Variants in UNC13A observed in about 807,000 individuals in gnomAD.
UNC13A encodes unc-13 homolog A.
UNC13A carries 61 observed loss-of-function variants against 219.7 expected under a neutral mutation model. The observed-to-expected ratio is 0.28, with a 90% CI of 0.23 to 0.34. UNC13A has a LOEUF of 0.34. UNC13A is among the 10% of genes least tolerant of loss of function. The probability of loss-of-function intolerance (pLI) is 1.00; values close to 1 mark genes in which losing one functional copy is unlikely to be tolerated. For missense variants in UNC13A, 1,476 were observed against 2,270.3 expected (o/e 0.65, Z 7.11); for synonymous variants, 920 against 884.6 (o/e 1.04, Z -0.71).
At position 17,603,125 on chromosome 19, in the gene UNC13A, G is replaced by T. The variant is rs73922143; in HGVS notation, c.*2929C>A. The T allele has an allele frequency of 0.059, 8,943 of 152,242 alleles. 312 individuals carry two copies. The highest frequency in any genetic ancestry group is 0.12 in the Middle Eastern group (35 of 298). 9.4% of individuals were successfully genotyped at this position (152,242 alleles called of 1,614,324 possible). On this transcript the variant is annotated 3_prime_UTR_variant, in exon 44 of 44. Transcript: ENST00000519716. ...AAAGAGGGTGGAAATTGCAAAAACA[G>T]TTCTAGCCTGGGAGTCAGGAAAACT...
chr19:17,648,743 TC>T, intron 15 of UNC13A, 93 bp from the exon 16 acceptor site: 1 of 1,523,644 alleles, frequency 6.6e-7, no homozygotes, highest in Non-Finnish European at 9.0e-7. Flanking sequence ...CGCGGTAAAG[TC>T]CCAGGCCCTC....
chr19:17,684,170 C>G (rs559206773), intron 1 of UNC13A, among the ~76,000 whole-genome samples: 11 of 152,298 alleles, frequency 7.2e-5, no homozygotes, highest in African/African-American at 2.4e-4. Context: ...CTGGAAGTAA[C>G]CCTTCACACC....
At position 17,636,167 on chromosome 19, in the gene UNC13A, A is replaced by G. The variant is rs1162068824; in HGVS notation, c.3082-10T>C. The stretch of plus-strand genomic sequence containing the variant: ...CTTCCCCCTTCTTGGCCTGAAATGG[A>G]CAGTGGAGACCTCGGTTATAGGGGG... On this transcript the variant is annotated splice_polypyrimidine_tract_variant and intron_variant, in intron 25 of 43. Coordinates refer to ENST00000519716, the MANE Select transcript of UNC13A (RefSeq NM_001080421.3). The G allele has an allele frequency of 1.5e-5, 24 of 1,588,758 alleles. No homozygotes were observed. The highest frequency in any genetic ancestry group is 2.3e-5 in the East Asian group (1 of 44,126).
chr19:17,633,724 TCTA>T (rs1453905997), intron 26 of UNC13A, among the ~76,000 whole-genome samples: 3 of 151,712 alleles, frequency 2.0e-5, no homozygotes, highest in Non-Finnish European at 4.4e-5. Flanking sequence ...CACCTATCCA[TCTA>T]TCTATTTATC....
Position 17,649,669 on chromosome 19 carries a change from C to T in UNC13A, c.1440-82G>A. ...CCTGGGGAGAACATTCAACCTCCCC[C>T]AGGTGTTAAGGGGTTGAATTGGGTC... is the stretch of plus-strand genomic sequence containing the variant. On this transcript the variant is annotated intron_variant, in intron 12 of 43. Transcript: ENST00000519716. The surrounding 1 kb of genome is among the most constrained non-coding windows in gnomAD (Gnocchi z 4.4). 1.3e-6 allele frequency: 2 copies of T among 1,517,540 alleles called. No homozygotes were observed. Among genetic ancestry groups the T allele is most frequent in the South Asian group, 1.1e-5 (1 of 88,636 alleles). The allele number at this position is 1,517,540 out of a possible 1,614,324, so 94.0% of individuals were successfully genotyped here. A position where few individuals can be genotyped will look rare whatever the true frequency, so the allele number is the denominator to read the frequency against.
At position 17,652,644 on chromosome 19, in the gene UNC13A, A is replaced by G; in HGVS notation, c.1426T>C (p.Trp476Arg). 1.2e-6 allele frequency: 2 copies of G among 1,613,750 alleles called. No homozygotes were observed. Among genetic ancestry groups the G allele is most frequent in the Non-Finnish European group, 1.7e-6 (2 of 1,179,776 alleles). The change falls in exon 12 of 44, where the codon TGG (tryptophan) becomes CGG (arginine). Residue 476 changes from tryptophan (W) to arginine (R), a missense_variant. Transcript: ENST00000519716. The stretch of plus-strand genomic sequence containing the variant: ...TTCATTACTTACCCGCCTTTGAACC[A>G]TAGGGATTTAGACATCTCTCCTTCT... Reference protein sequence around the residue: ...RGEGEMSKSLWFKGGPGGGLI... With the variant: ...RGEGEMSKSLRFKGGPGGGLI...
chr19:17,664,409 A>T (rs530699210), intron 7 of UNC13A, among the ~76,000 whole-genome samples: 44 of 152,334 alleles, frequency 2.9e-4, no homozygotes, highest in African/African-American at 9.1e-4. Flanking sequence ...ACCTTTGCCT[A>T]TCACGTGCAG....
At chr19:17,673,538 C>T (rs60347603) in intron 3 of UNC13A, among the ~76,000 whole-genome samples, 40,514 of 147,158 alleles carry the variant, frequency 0.28, 5,706 homozygotes, top group East Asian at 0.41. Context: ...ACTAAATACA[C>T]AAAAATTAGC....
At chr19:17,612,849 A>T (rs893530281) in intron 41 of UNC13A, among the ~76,000 whole-genome samples, 1 of 151,650 alleles carries the variant, frequency 6.6e-6, no homozygotes, top group East Asian at 2.0e-4. Context: ...TGTCTCAGAA[A>T]ATTAAAAAAT....
At position 17,656,002 on chromosome 19, in the gene UNC13A, G is replaced by A. The variant is rs1179294601; in HGVS notation, c.1164C>T (p.Ala388=). 2.5e-6 allele frequency: 4 copies of A among 1,580,478 alleles called. No individual in the cohort carries two copies. In the Admixed American group the frequency reaches 7.2e-5, roughly 29 times the overall value. The part of the protein sequence containing the change: ...PPAAPGKEDK[A]PVAPTEAPDM... ...CGGGGGCCTCGGTGGGTGCCACTGG[G>A]GCCTTGTCCTCCTTCCCTGGGGCAG... Residue 388 remains alanine, a synonymous_variant, in exon 10 of 44, where the codon GCC becomes GCT. Transcript: ENST00000519716.
chr19:17,636,004 TA>T lies in UNC13A; in HGVS notation c.3215+19del. ...ACACGATGACACCCAGATAATTAAC[TA>T]CACAGATACACAACTCACTGGTTGA... On this transcript the variant is annotated intron_variant, in intron 26 of 43. Transcript: ENST00000519716. The T allele has an allele frequency of 6.3e-7, 1 of 1,599,428 alleles. No homozygotes were observed.
intron 8 of UNC13A, 72 bp downstream of exon 8, chr19:17,663,460 G>T: frequency 6.5e-7 from 1 of 1,548,714 alleles, no homozygotes; most frequent in South Asian, 1.2e-5. Flanking sequence ...GTAGTGGGGA[G>T]GGGCCTTGGG....
Position 17,639,609 on chromosome 19 carries a change from T to G in UNC13A, c.2857-84A>C, listed in dbSNP as rs2076946138. On this transcript the variant is annotated intron_variant, in intron 23 of 43. Coordinates refer to ENST00000519716, the MANE Select transcript of UNC13A (RefSeq NM_001080421.3). Reference sequence around the variant, plus strand: ...CTGCTTTTCAGGGGGATACAAAGGCTCCCCGGTTTCAGGCTGGGGGTTGAT... The same window carrying G: ...CTGCTTTTCAGGGGGATACAAAGGCGCCCCGGTTTCAGGCTGGGGGTTGAT... 12 of 1,451,524 alleles carry G rather than the reference T, an allele frequency of 8.3e-6. 1 individual carries two copies. In the South Asian group the frequency reaches 1.5e-4, roughly 18 times the overall value. The allele number at this position is 1,451,524 out of a possible 1,614,324, so 89.9% of individuals were successfully genotyped here.
chr19:17,659,269 C>G (rs2079512133), intron 8 of UNC13A, among the ~76,000 whole-genome samples: 1 of 151,230 alleles, frequency 6.6e-6, no homozygotes, highest in African/African-American at 2.4e-5. Flanking sequence ...ATACCAAGAC[C>G]CTGTCTCTAC....
chr19:17,672,426 C>A lies in UNC13A; in HGVS notation c.222G>T (p.Met74Ile), dbSNP rs920402869. The A allele has an allele frequency of 1.2e-6, 2 of 1,613,904 alleles. No individual in the cohort carries two copies. The highest frequency in any genetic ancestry group is 1.7e-6 in the Non-Finnish European group (2 of 1,179,872). ...TCAGTGGGATCCACACAGTGCCCAC[C>A]ATTGTGTCCCAGATGAGACCCTTAT... ...VWNKGLIWDT[M>I]VGTVWIPLRT... Residue 74 changes from methionine (M) to isoleucine (I), a missense_variant, in exon 4 of 44, where the codon ATG (methionine) becomes ATT (isoleucine). By Grantham distance (10) the Met-to-Ile change is conservative. Coordinates refer to ENST00000519716, the MANE Select transcript of UNC13A (RefSeq NM_001080421.3).
rs1306997084 is a variant in UNC13A at position 17,604,962 on chromosome 19, A to C, written c.*1092T>G. ...TTTGGAAAATTCTGGAAAAGGAAGAAGGGATGGAGAAACCTGGGACCAGGG... is the reference window on the plus strand; with the variant it reads ...TTTGGAAAATTCTGGAAAAGGAAGACGGGATGGAGAAACCTGGGACCAGGG... On this transcript the variant is annotated 3_prime_UTR_variant, in exon 44 of 44. Transcript: ENST00000519716. 6.6e-6 allele frequency: 1 copy of C among 152,626 alleles called. No homozygotes were observed. Among genetic ancestry groups the C allele is most frequent in the Non-Finnish European group, 1.5e-5 (1 of 68,038 alleles). 9.5% of individuals were successfully genotyped at this position (152,626 alleles called of 1,614,324 possible). A position where few individuals can be genotyped will look rare whatever the true frequency, so the allele number is the denominator to read the frequency against.
chr19:17,688,139 GTCCAC>G (rs1188339745), intron 1 of UNC13A, 34 bp downstream of exon 1: 1 of 1,525,032 alleles, frequency 6.6e-7, no homozygotes, highest in African/African-American at 1.4e-5. Flanking sequence ...CCCAGCCCGC[GTCCAC>G]ACGGGTCCCC....
intron 20 of UNC13A, among the ~76,000 whole-genome samples, chr19:17,642,463 A>C (rs2076981412): frequency 1.3e-5 from 2 of 152,184 alleles, no homozygotes; most frequent in South Asian, 2.1e-4. Context: ...TCATCTGTTC[A>C]ATCATTCATT....
At chr19:17,655,242 G>A (rs2079427845) in intron 11 of UNC13A, 32 bp downstream of exon 11, 1 of 1,524,314 alleles carries the variant, frequency 6.6e-7, no homozygotes, top group Non-Finnish European at 8.9e-7. Flanking sequence ...CTGGCTAAGT[G>A]TGGCAGGGGC....
Sources: gnomAD v4.1 joint callset for allele counts (sites outside exome capture counted in the v4.1 genomes callset) on GRCh38, gnomAD v4.1.1 for gene constraint, Gnocchi (gnomAD v3.1) non-coding constraint, MANE v1.5 for transcripts, NCBI Gene and HGNC (gene_info 2026-07-23, HGNC 2026-07-21) for gene names.